The following RBFOX1 variants were observed in gnomAD, a reference collection of about 807,000 sequenced individuals.
RBFOX1 encodes RNA binding fox-1 homolog 1, also known as RNA binding protein fox-1 homolog 1.
RBFOX1 carries 8 observed loss-of-function variants against 57.7 expected under a neutral mutation model. The observed-to-expected ratio is 0.14, with a 90% CI of 0.08 to 0.25. RBFOX1 has a LOEUF of 0.25. Ranked by LOEUF, RBFOX1 falls within the 10% of genes least tolerant of loss-of-function variation. The pLI is 1.00. For synonymous variants in RBFOX1, 326 were observed against 222.4 expected, an observed-to-expected ratio of 1.47 and a Z score of -4.15; for missense variants, 611 against 548.5, an observed-to-expected ratio of 1.11 and a Z score of -1.14.
intron 9 of RBFOX1, among the ~76,000 whole-genome samples, chr16:7,604,749 A>G (rs2095216919): frequency 6.6e-6 from 1 of 152,202 alleles, no homozygotes; most frequent in African/African-American, 2.4e-5. Flanking sequence ...GATCATTGGC[A>G]AATTTATAAT....
At chr16:7,445,298 G>A (rs1475028821) in intron 4 of RBFOX1, among the ~76,000 whole-genome samples, 1 of 152,156 alleles carries the variant, frequency 6.6e-6, no homozygotes, top group East Asian at 1.9e-4. Flanking sequence ...TATGCATAGA[G>A]CCTCTGTAAT....
chr16:6,096,770 A>G (rs1275973650), intron 1 of RBFOX1, among the ~76,000 whole-genome samples: 3 of 152,228 alleles, frequency 2.0e-5, no homozygotes, highest in Non-Finnish European at 4.4e-5. Flanking sequence ...AAAATAGATA[A>G]TACCCTTGAT....
At chr16:6,835,375 A>G (rs1042323225) in intron 3 of RBFOX1, among the ~76,000 whole-genome samples, 7 of 152,174 alleles carry the variant, frequency 4.6e-5, no homozygotes, top group Non-Finnish European at 7.3e-5. Flanking sequence ...CAGGACAGGA[A>G]AAGATATAGG....
chr16:6,557,029 AT>A (rs2097109533), intron 2 of RBFOX1, among the ~76,000 whole-genome samples: 1 of 129,558 alleles, frequency 7.7e-6, no homozygotes, highest in African/African-American at 3.8e-5. Flanking sequence ...ATATATACAT[AT>A]ATACACATAT....
intron 2 of RBFOX1, among the ~76,000 whole-genome samples, chr16:5,562,830 C>T (rs1195459706): frequency 6.6e-6 from 1 of 152,152 alleles, no homozygotes; most frequent in Non-Finnish European, 1.5e-5. Flanking sequence ...GAGGAACTAC[C>T]TTTAGGCAAA....
chr16:7,695,411 TG>T (rs2078481408), intron 14 of RBFOX1, among the ~76,000 whole-genome samples: 1 of 152,050 alleles, frequency 6.6e-6, no homozygotes, highest in Admixed American at 6.5e-5. Flanking sequence ...AAACCTGCTT[TG>T]GGAGGCCAAG....
At chr16:6,269,347 C>T (rs2152667799) in intron 1 of RBFOX1, among the ~76,000 whole-genome samples, 1 of 152,118 alleles carries the variant, frequency 6.6e-6, no homozygotes, top group South Asian at 2.1e-4. Flanking sequence ...ATATAGAACC[C>T]ATGGATATAG....
chr16:6,372,624 A>G (rs1023250029), intron 2 of RBFOX1, among the ~76,000 whole-genome samples: 1 of 147,744 alleles, frequency 6.8e-6, no homozygotes, highest in Non-Finnish European at 1.5e-5. Flanking sequence ...ACTGGGCAGG[A>G]GTTTTGTTGG....
chr16:6,099,281 G>T (rs1444209779), intron 1 of RBFOX1, among the ~76,000 whole-genome samples: 1 of 152,144 alleles, frequency 6.6e-6, no homozygotes, highest in African/African-American at 2.4e-5. Flanking sequence ...TTTAGCTTGT[G>T]GTTCATTGGT....
At chr16:5,243,468 G>A (rs1045689487) in intron 1 of RBFOX1, among the ~76,000 whole-genome samples, 5 of 152,106 alleles carry the variant, frequency 3.3e-5, no homozygotes, top group East Asian at 1.9e-4. Context: ...CTTTGGCACC[G>A]TCACAACACT....
intron 4 of RBFOX1, among the ~76,000 whole-genome samples, chr16:7,504,992 G>A (rs973108942): frequency 1.3e-5 from 2 of 149,864 alleles, no homozygotes; most frequent in African/African-American, 2.5e-5. Flanking sequence ...TGCAATGTTA[G>A]GATATTCTAA....
intron 2 of RBFOX1, chr16:6,483,435 T>C: frequency 6.5e-7 from 1 of 1,535,482 alleles, no homozygotes; most frequent in Non-Finnish European, 8.7e-7. Context: ...CGTTTGCTGT[T>C]GCCTCGGACT....
At chr16:5,747,655 G>GT (rs201899530) in intron 3 of RBFOX1, among the ~76,000 whole-genome samples, 5,632 of 152,160 alleles carry the variant, frequency 0.037, 358 homozygotes, top group African/African-American at 0.13. Flanking sequence ...AGATTTTCTA[G>GT]TTTTTTTGCG....
chr16:6,333,308 G>T (rs1021598173), intron 2 of RBFOX1, among the ~76,000 whole-genome samples: 1 of 152,190 alleles, frequency 6.6e-6, no homozygotes, highest in African/African-American at 2.4e-5. Flanking sequence ...GCACCCCAAA[G>T]CGCTGGGATG....
In RBFOX1 at chr16:5,372,658, C is replaced by G. The variant is rs531910261; in HGVS notation, c.220-94558C>G. ...GGCAGCTTCATCCAATCCTGTCAAT[C>G]AGAACAGAATCGGCTTTGCAAGGAG... On this transcript the variant is annotated intron_variant, in intron 1 of 2. Coordinates refer to the RBFOX1 transcript ENST00000585867. Among the ~76,000 whole-genome samples the G allele has an allele frequency of 4.6e-5, 7 of 152,264 alleles. No homozygotes were observed. The South Asian group carries it at 1.2e-3, about 27-fold the overall frequency.
intron 4 of RBFOX1, among the ~76,000 whole-genome samples, chr16:7,303,071 T>C (rs148326302): frequency 1.3e-5 from 2 of 152,348 alleles, no homozygotes; most frequent in Non-Finnish European, 2.9e-5. Flanking sequence ...TGTTCTGGGC[T>C]GGGAGAAGCC....
intron 2 of RBFOX1, among the ~76,000 whole-genome samples, chr16:6,531,230 GAC>G (rs2096653812): frequency 6.6e-6 from 1 of 152,170 alleles, no homozygotes; most frequent in South Asian, 2.1e-4. Context: ...ACATCTCTGA[GAC>G]AGCCATCAAG....
intron 3 of RBFOX1, among the ~76,000 whole-genome samples, chr16:6,730,382 C>G (rs11646076): frequency 0.89 from 132,171 of 149,256 alleles, 59,841 homozygotes; most frequent in Non-Finnish European, 1. Flanking sequence ...ATCTCTCTCT[C>G]TCTGTCTCTA....
At chr16:7,628,858 C>T (rs2060486685) in intron 10 of RBFOX1, among the ~76,000 whole-genome samples, 2 of 152,130 alleles carry the variant, frequency 1.3e-5, no homozygotes, top group Admixed American at 1.3e-4. Context: ...GGTGATCTAC[C>T]TGCCTTGGCC....
Sources: gnomAD v4.1 joint callset for allele counts (sites outside exome capture counted in the v4.1 genomes callset) on GRCh38, gnomAD v4.1.1 for gene constraint, MANE v1.5 for transcripts, NCBI Gene and HGNC (gene_info 2026-07-23, HGNC 2026-07-21) for gene names.